Variants in SCML2 observed in about 807,000 individuals in gnomAD.
SCML2 encodes Scm polycomb group protein like 2.
Under a neutral mutation model 48.4 loss-of-function variants are expected in SCML2, and 6 were observed. The observed-to-expected ratio is 0.12, with a 90% CI of 0.07 to 0.24. SCML2 has a LOEUF of 0.24. Among genes scored for constraint, SCML2 ranks in the 10% least tolerant of loss-of-function variants. The probability of loss-of-function intolerance (pLI) is 1.00; values close to 1 mark genes in which losing one functional copy is unlikely to be tolerated. For missense variants in SCML2, 377 were observed against 528.2 expected (o/e 0.71, Z 2.81); for synonymous variants, 181 against 189.5 (o/e 0.95, Z 0.37).
In SCML2 at chrX:18,260,868, G is replaced by A. The variant is rs538266145; in HGVS notation, c.949-577C>T. 2.0e-3 allele frequency among the ~76,000 whole-genome samples: 219 copies of A among 109,444 alleles called. 3 individuals carry two copies. In the Middle Eastern group the frequency reaches 0.047, roughly 23 times the overall value. ...CTGCCTATAAGAACCAATGTTTCCT[G>A]AGCATTGTTAAACTTCACTAGCATT... On this transcript the variant is annotated intron_variant, in intron 8 of 14. Coordinates refer to ENST00000251900, the MANE Select transcript of SCML2 (RefSeq NM_006089.3).
chrX:18,254,001 A>G (rs1341491305), intron 11 of SCML2, among the ~76,000 whole-genome samples: 1 of 111,775 alleles, frequency 8.9e-6, no homozygotes, highest in Non-Finnish European at 1.9e-5. Flanking sequence ...CCTTGTGCGA[A>G]GTGAGGGGTA....
rs181528278 is a variant in SCML2 at position 18,299,471 on chromosome X, T to A, written c.730+5501A>T. Reference sequence around the variant, plus strand: ...AGGCAGAGGTTGCAGTGAGCTGAGATCGCGCCACTGCACTCCAGCCTGGGC... The same window carrying A: ...AGGCAGAGGTTGCAGTGAGCTGAGAACGCGCCACTGCACTCCAGCCTGGGC... On this transcript the variant is annotated intron_variant, in intron 7 of 14. Coordinates refer to ENST00000251900, the MANE Select transcript of SCML2 (RefSeq NM_006089.3). Among the ~76,000 whole-genome samples the A allele has an allele frequency of 4.4e-3, 481 of 108,899 alleles. 2 individuals are homozygous for A. Among genetic ancestry groups the A allele is most frequent in the South Asian group, 0.011 (27 of 2,520 alleles). The allele number at this position is 108,899 out of a possible 115,157, so 94.6% of individuals were successfully genotyped here. A position where few individuals can be genotyped will look rare whatever the true frequency, so the allele number is the denominator to read the frequency against.
At chrX:18,346,168 G>T (rs1930194572) in intron 1 of SCML2, among the ~76,000 whole-genome samples, 1 of 110,879 alleles carries the variant, frequency 9.0e-6, no homozygotes, top group Non-Finnish European at 1.9e-5. Flanking sequence ...ATGGGCCAAG[G>T]AGAAAATTCT....
intron 3 of SCML2, among the ~76,000 whole-genome samples, chrX:18,326,463 G>C (rs1299728118): frequency 1.8e-5 from 2 of 110,574 alleles, no homozygotes; most frequent in African/African-American, 6.6e-5. Context: ...CAGATCACCT[G>C]AGGTCAGGAG....
chrX:18,268,366 C>T (rs1927327320), intron 7 of SCML2, among the ~76,000 whole-genome samples: 1 of 110,988 alleles, frequency 9.0e-6, no homozygotes, highest in African/African-American at 3.3e-5. Context: ...CCCATTTCTA[C>T]TAAATAGACA....
chrX:18,320,746 A>G (rs1006285730), intron 5 of SCML2, among the ~76,000 whole-genome samples: 7 of 111,131 alleles, frequency 6.3e-5, no homozygotes, highest in Non-Finnish European at 9.4e-5. Flanking sequence ...ACCACCAACA[A>G]TCACACAAGC....
intron 1 of SCML2, among the ~76,000 whole-genome samples, chrX:18,345,986 A>T (rs1326108408): frequency 1.8e-5 from 2 of 109,416 alleles, no homozygotes; most frequent in Non-Finnish European, 3.8e-5. Context: ...ACTGGTCTCA[A>T]ACTCCTGAGC....
intron 5 of SCML2, among the ~76,000 whole-genome samples, chrX:18,322,036 T>C (rs975064085): frequency 2.7e-5 from 3 of 112,027 alleles, no homozygotes; most frequent in African/African-American, 9.7e-5. Flanking sequence ...TTATAAGCTA[T>C]ATACTTATGA....
intron 1 of SCML2, among the ~76,000 whole-genome samples, chrX:18,339,647 A>G (rs1311211176): frequency 9.0e-6 from 1 of 111,560 alleles, no homozygotes; most frequent in Non-Finnish European, 1.9e-5. Flanking sequence ...CCATGAGTTC[A>G]AGGCTGCAGT....
At chrX:18,241,572 C>T (rs762656709) in intron 14 of SCML2, among the ~76,000 whole-genome samples, 193 bp from the exon 15 acceptor site, 1 of 112,257 alleles carries the variant, frequency 8.9e-6, no homozygotes, top group Non-Finnish European at 1.9e-5. Flanking sequence ...TTAGTTCAAA[C>T]TTTAAGAAAA....
At chrX:18,251,194 C>T (rs1263340914) in intron 11 of SCML2, among the ~76,000 whole-genome samples, 1 of 107,303 alleles carries the variant, frequency 9.3e-6, no homozygotes, top group Non-Finnish European at 1.9e-5. Flanking sequence ...CACCTGTAGT[C>T]CTGGCACTCT....
chrX:18,275,538 A>G (rs1050851387), intron 7 of SCML2, among the ~76,000 whole-genome samples: 3 of 112,527 alleles, frequency 2.7e-5, no homozygotes, highest in Non-Finnish European at 5.6e-5. Flanking sequence ...ATTTACATAT[A>G]TCTATCTGTC....
chrX:18,326,926 A>C (rs938175039), intron 3 of SCML2, among the ~76,000 whole-genome samples: 5 of 111,658 alleles, frequency 4.5e-5, no homozygotes, highest in African/African-American at 1.6e-4. Context: ...AGTTGTGCTC[A>C]AATTTATTAA....
intron 8 of SCML2, among the ~76,000 whole-genome samples, chrX:18,261,526 G>A (rs1298429696): frequency 9.1e-6 from 1 of 109,701 alleles, no homozygotes; most frequent in Non-Finnish European, 1.9e-5. Context: ...ATATGACATA[G>A]ATCCCATAAA....
chrX:18,275,859 G>A (rs941131168), intron 7 of SCML2, among the ~76,000 whole-genome samples: 10 of 112,352 alleles, frequency 8.9e-5, no homozygotes, highest in African/African-American at 3.2e-4. Context: ...ACAGAAGGAA[G>A]AACTGCAAAT....
At position 18,246,724 on chromosome X, in the gene SCML2, A is replaced by C; in HGVS notation, c.1675T>G (p.Cys559Gly). ...GTATGAATATACATAGGATTTCTAC[A>C]GGCAGGATTCAAATAATTTCCTGAA... is the stretch of plus-strand genomic sequence containing the variant. ...LNSGNYLNPA[C>G]RNPMYIHTSV... Residue 559 changes from cysteine (C) to glycine (G), a missense_variant, in exon 13 of 15, where the codon TGT (cysteine) becomes GGT (glycine). Physicochemically the swap from Cys to Gly is radical, Grantham distance 159. Coordinates refer to ENST00000251900, the MANE Select transcript of SCML2 (RefSeq NM_006089.3). 1 of 1,209,927 alleles carries C rather than the reference A, an allele frequency of 8.3e-7. No homozygotes were observed. Among genetic ancestry groups the C allele is most frequent in the Non-Finnish European group, 1.1e-6 (1 of 893,943 alleles).
chrX:18,299,517 C>CA (rs750111438), intron 7 of SCML2, among the ~76,000 whole-genome samples: 4,313 of 89,439 alleles, frequency 0.048, 261 homozygotes, highest in African/African-American at 0.16. Context: ...GACTCCGTCT[C>CA]AAAAAAAAAA....
intron 1 of SCML2, among the ~76,000 whole-genome samples, chrX:18,352,344 C>T (rs1930402628): frequency 9.0e-6 from 1 of 111,707 alleles, no homozygotes; most frequent in Non-Finnish European, 1.9e-5. Context: ...CAAGCTTAAC[C>T]AGTATGTTAT....
chrX:18,274,750 T>G (rs1487863245), intron 7 of SCML2, among the ~76,000 whole-genome samples: 1 of 111,779 alleles, frequency 8.9e-6, no homozygotes, highest in Non-Finnish European at 1.9e-5. Flanking sequence ...CGGAATGGAC[T>G]TCCCCCTAGG....
Sources: allele counts gnomAD v4.1 joint callset (sites outside exome capture counted in the v4.1 genomes callset), GRCh38; gene constraint gnomAD v4.1.1; transcripts MANE v1.5; gene names NCBI Gene and HGNC (gene_info 2026-07-23, HGNC 2026-07-21).